The following LAMA5 variants were observed in gnomAD, a reference collection of about 807,000 sequenced individuals.
LAMA5 encodes laminin subunit alpha 5, also known as laminin subunit alpha-5.
LAMA5 carries 260 observed loss-of-function variants against 433.4 expected under a neutral mutation model. That is an observed-to-expected ratio of 0.60 (90% CI 0.54 to 0.66). LAMA5 has a LOEUF of 0.66. LAMA5 is among the 30% of genes least tolerant of loss of function. LAMA5 has a pLI of 0.00. For synonymous variants in LAMA5, 2,620 were observed against 2,226.6 expected (o/e 1.18, Z -4.97); for missense variants, 5,378 against 5,258.5 (o/e 1.02, Z -0.70).
intron 22 of LAMA5, 23 bp downstream of exon 22, chr20:62,334,163 G>C: frequency 6.2e-7 from 1 of 1,604,900 alleles, no homozygotes; most frequent in South Asian, 1.1e-5. Flanking sequence ...GGCTGAGCCT[G>C]GGAGGGGGAG....
In LAMA5 at chr20:62,318,919, C is replaced by G. The variant is rs772099510; in HGVS notation, c.6966G>C (p.Leu2322=). Residue 2322 remains leucine (L), a synonymous_variant, in exon 52 of 80, where the codon CTG becomes CTC. Transcript: ENST00000252999. ...LLRTLAEVER[L]LWEMRARDLG... is the part of the protein sequence containing the mutation. ...GGTCCCGGGCCCGCATCTCCCAGAG[C>G]AGCCGCTCCACCTCGGCCAGTGTCC... is the stretch of plus-strand genomic sequence containing the variant. The G allele has an allele frequency of 5.6e-6, 9 of 1,602,994 alleles. No individual in the cohort carries two copies. The highest frequency in any genetic ancestry group is 1.6e-4 in the Middle Eastern group (1 of 6,066).
chr20:62,357,388 C>G (rs1985398693), intron 2 of LAMA5, among the ~76,000 whole-genome samples: 1 of 152,194 alleles, frequency 6.6e-6, no homozygotes, highest in Non-Finnish European at 1.5e-5. Context: ...ACCGGGGCAC[C>G]CAGCCCCCTC....
rs1555877997 is a variant in LAMA5, at chr20:62,331,199, T to TGGGGGGGTGCAGGTGGTACGATGG, written c.3553-71_3553-70insCCATCGTACCACCTGCACCCCCCC. On this transcript the variant is annotated intron_variant, in intron 28 of 79. Coordinates refer to ENST00000252999, the MANE Select transcript of LAMA5 (RefSeq NM_005560.6). ...AGGATAGGGGGTGCAGGCGGTACGA[T>TGGGGGGGTGCAGGTGGTACGATGG]GGGGGGGTGCAGGCGGTACGATGGG... 3.7e-5 allele frequency: 8 copies of TGGGGGGGTGCAGGTGGTACGATGG among 215,564 alleles called. 3 individuals carry two copies. The highest frequency in any genetic ancestry group is 3.7e-4 in the Admixed American group (2 of 5,444). The allele number at this position is 215,564 out of a possible 1,614,324, so 13.4% of individuals were successfully genotyped here. A position where few individuals can be genotyped will look rare whatever the true frequency, so the allele number is the denominator to read the frequency against.
chr20:62,315,411 C>T (rs1196013216), intron 58 of LAMA5, among the ~76,000 whole-genome samples: 1 of 152,144 alleles, frequency 6.6e-6, no homozygotes, highest in Non-Finnish European at 1.5e-5. Flanking sequence ...GACAGGCACC[C>T]AGCCTCTCAG....
Position 62,367,239 on chromosome 20 carries a change from T to G in LAMA5, c.7A>C (p.Lys3Gln). MA[K>Q]RLCAGSALCV... ...AGTGCGCTCCCCGCGCAGAGCCGCT[T>G]CGCCATCTTCCCGGCTCCGGGCCGC... Residue 3 changes from lysine (K) to glutamine (Q), a missense_variant, in exon 1 of 80, where the codon AAG becomes CAG. By Grantham distance (53) the Lys-to-Gln change is moderately conservative (BLOSUM62 1). Coordinates refer to ENST00000252999, the MANE Select transcript of LAMA5 (RefSeq NM_005560.6). 1 of 1,183,896 alleles carries G rather than the reference T, an allele frequency of 8.4e-7. No individual in the cohort carries two copies. Among genetic ancestry groups the G allele is most frequent in the Non-Finnish European group, 1.0e-6 (1 of 959,250 alleles). 73.3% of individuals were successfully genotyped at this position (1,183,896 alleles called of 1,614,324 possible). A position where few individuals can be genotyped will look rare whatever the true frequency, so the allele number is the denominator to read the frequency against.
chr20:62,323,873 C>T lies in LAMA5; in HGVS notation c.5769-17G>A, dbSNP rs776314934. 43 of 1,591,556 alleles carry T rather than the reference C, an allele frequency of 2.7e-5. No individual in the cohort carries two copies. Among genetic ancestry groups the T allele is most frequent in the South Asian group, 2.6e-4 (23 of 88,804 alleles). ...TCGGCGAAGCTGCAAAGACCAGCAG[C>T]GTCAGTCACTAGGCCCCTGGCAGTG... On this transcript the variant is annotated splice_polypyrimidine_tract_variant and intron_variant, in intron 43 of 79. Coordinates refer to ENST00000252999, the MANE Select transcript of LAMA5 (RefSeq NM_005560.6).
chr20:62,345,801 GC>G lies in LAMA5; in HGVS notation c.1477+16del. On this transcript the variant is annotated intron_variant, in intron 11 of 79. Transcript: ENST00000252999. ...TCCAGGGCAGGCCGGGGACCTGGGG[GC>G]CTCAAGGACACTTACTCACAATCTG... The G allele has an allele frequency of 6.5e-7, 1 of 1,544,090 alleles. No homozygotes were observed. Among genetic ancestry groups the G allele is most frequent in the Non-Finnish European group, 8.8e-7 (1 of 1,141,820 alleles).
chr20:62,337,617 C>A lies in LAMA5; in HGVS notation c.2137G>T (p.Gly713Cys). ...TCGCAGTAGGGGAAGTTGTAGGCACCGGGCACACATGTGTCACACCGCAGC... is the reference window on the plus strand; with the variant it reads ...TCGCAGTAGGGGAAGTTGTAGGCACAGGGCACACATGTGTCACACCGCAGC... Reference protein sequence around the residue: ...TGLRCDTCVPGAYNFPYCEAG... With the variant: ...TGLRCDTCVPCAYNFPYCEAG... The change falls in exon 16 of 80, where the codon GGT (glycine) becomes TGT (cysteine). Residue 713 changes from glycine (G) to cysteine (C), a missense_variant. By Grantham distance (159) the Gly-to-Cys change is radical. Transcript: ENST00000252999. The A allele has an allele frequency of 6.2e-7, 1 of 1,610,956 alleles. No individual in the cohort carries two copies. The highest frequency in any genetic ancestry group is 2.2e-5 in the East Asian group (1 of 44,806).
At position 62,323,765 on chromosome 20, in the gene LAMA5, C is replaced by T; in HGVS notation, c.5849+11G>A. On this transcript the variant is annotated intron_variant, in intron 44 of 79. Coordinates refer to ENST00000252999, the MANE Select transcript of LAMA5 (RefSeq NM_005560.6). ...CTCAGGCCCTGCCCCACTGCCCTAG[C>T]CCCAGCTCACCGCTCGCAGGAGGCA... The T allele has an allele frequency of 6.2e-7, 1 of 1,608,318 alleles. No individual in the cohort carries two copies. Among genetic ancestry groups the T allele is most frequent in the Non-Finnish European group, 8.5e-7 (1 of 1,177,540 alleles).
At position 62,323,568 on chromosome 20, in the gene LAMA5, G is replaced by A. The variant is rs765722284; in HGVS notation, c.5952C>T (p.Cys1984=). The A allele has an allele frequency of 2.1e-5, 34 of 1,603,560 alleles. No individual in the cohort carries two copies. The highest frequency in any genetic ancestry group is 2.7e-5 in the African/African-American group (2 of 74,868). ...CACGGCAGGCGCCCGTCAGGGGGTCGCAGTCGCTGAAGAGCAAGTTGGGGT... is the reference window on the plus strand; with the variant it reads ...CACGGCAGGCGCCCGTCAGGGGGTCACAGTCGCTGAAGAGCAAGTTGGGGT... The part of the protein sequence containing the change: ...NGDPNLLFSD[C]DPLTGACRGC... The change falls in exon 45 of 80, where the codon TGC becomes TGT. Residue 1984 remains cysteine (C), a synonymous_variant. Transcript: ENST00000252999.
In LAMA5 at chr20:62,312,415, G is replaced by A. The variant is rs1160533437; in HGVS notation, c.9345C>T (p.Cys3115=). ...RLNTTGVSAG[C]TADLLVGRAM... ...GGCTGCTCACCAGCAGGTCGGCGGT[G>A]CAGCCGGCGCTCACGCCTGTCGTGT... Residue 3115 remains cysteine (C), a synonymous_variant, in exon 68 of 80, where the codon TGC becomes TGT. Transcript: ENST00000252999. The A allele has an allele frequency of 1.3e-6, 2 of 1,597,892 alleles. No individual in the cohort carries two copies. The highest frequency in any genetic ancestry group is 2.2e-5 in the East Asian group (1 of 44,838).
rs375315738 is a variant in LAMA5, at chr20:62,329,765, G to C, written c.4119+12C>G. 2.5e-5 allele frequency: 40 copies of C among 1,611,898 alleles called. No homozygotes were observed. The highest frequency in any genetic ancestry group is 3.2e-5 in the Non-Finnish European group (38 of 1,179,600). ...CAGCTGGTCCCTGAGCAGGACATCAGCTGGGACTCACCAGCCAGAGCCACC... is the reference window on the plus strand; with the variant it reads ...CAGCTGGTCCCTGAGCAGGACATCACCTGGGACTCACCAGCCAGAGCCACC... On this transcript the variant is annotated intron_variant, in intron 32 of 79. Coordinates refer to ENST00000252999, the MANE Select transcript of LAMA5 (RefSeq NM_005560.6).
intron 11 of LAMA5, 140 bp downstream of exon 11, chr20:62,345,678 A>C: frequency 1.5e-6 from 1 of 663,108 alleles, no homozygotes; most frequent in South Asian, 1.8e-5. Flanking sequence ...CAGTGTGAAT[A>C]GGCATAATTT....
At chr20:62,354,927 G>C (rs1208812486) in intron 2 of LAMA5, among the ~76,000 whole-genome samples, 1 of 152,168 alleles carries the variant, frequency 6.6e-6, no homozygotes, top group Non-Finnish European at 1.5e-5. Flanking sequence ...GAGGAAACAC[G>C]AACCTCTCCC....
At position 62,319,033 on chromosome 20, in the gene LAMA5, C is replaced by T. The variant is rs1276084272; in HGVS notation, c.6872-20G>A. The T allele has an allele frequency of 3.2e-6, 5 of 1,540,230 alleles. No individual in the cohort carries two copies. The highest frequency in any genetic ancestry group is 8.7e-7 in the Non-Finnish European group (1 of 1,145,490). ...TGAGCTCTGTGGGGCAGGGGTTCGT[C>T]AGAGCCTGGGGCCGCCCGTACTAGT... is the stretch of plus-strand genomic sequence containing the variant. On this transcript the variant is annotated intron_variant, in intron 51 of 79. Transcript: ENST00000252999.
intron 51 of LAMA5, 125 bp from the exon 52 acceptor site, chr20:62,319,138 C>A (rs1987377875): frequency 9.6e-7 from 1 of 1,043,784 alleles, no homozygotes; most frequent in East Asian, 2.6e-5. Flanking sequence ...AACCTGAGCG[C>A]ACCTGGGTGG....
Position 62,311,598 on chromosome 20 carries a change from C to T in LAMA5, c.9806+16G>A, listed in dbSNP as rs757987679. 12 of 1,607,028 alleles carry T rather than the reference C, an allele frequency of 7.5e-6. No individual in the cohort carries two copies. The highest frequency in any genetic ancestry group is 1.3e-5 in the African/African-American group (1 of 74,836). On this transcript the variant is annotated intron_variant, in intron 71 of 79. Transcript: ENST00000252999. ...GGCCAGCTGGGACCTTGTCCCCCAG[C>T]GCCCACCAGGCTCACCGCTGCACGA...
At chr20:62,315,902 C>T (rs756586347) in intron 58 of LAMA5, 46 bp downstream of exon 58, 134 of 1,415,994 alleles carry the variant, frequency 9.5e-5, no homozygotes, top group Non-Finnish European at 2.4e-5. Flanking sequence ...TGTCACAGAG[C>T]CTCATGGTCG....
rs1981055552 is a variant in LAMA5, at chr20:62,334,016, G to T, written c.2763C>A (p.Asn921Lys). 2 of 1,612,926 alleles carry T rather than the reference G, an allele frequency of 1.2e-6. No individual in the cohort carries two copies. Among genetic ancestry groups the T allele is most frequent in the Admixed American group, 1.7e-5 (1 of 60,004 alleles). ...PVQPRIVARLNLTSPDLFWLV... is the reference protein window; with the variant it reads ...PVQPRIVARLKLTSPDLFWLV... ...GCCAGAAAAGGTCAGGGGAGGTCAG[G>T]TTCAGCCTGGCCACGATCCTGGGCT... Residue 921 changes from asparagine (N) to lysine (K), a missense_variant, in exon 23 of 80, where the codon AAC (asparagine) becomes AAA (lysine). Physicochemically the swap from Asn to Lys is moderately conservative, Grantham distance 94. Coordinates refer to ENST00000252999, the MANE Select transcript of LAMA5 (RefSeq NM_005560.6).
Sources: allele counts gnomAD v4.1 joint callset (sites outside exome capture counted in the v4.1 genomes callset), GRCh38; gene constraint gnomAD v4.1.1; transcripts MANE v1.5; gene names NCBI Gene and HGNC (gene_info 2026-07-23, HGNC 2026-07-21).